TNIK: variants seen among roughly 807,000 people sequenced by gnomAD.
TNIK encodes the protein TRAF2 and NCK interacting kinase.
A neutral mutation model predicts 191.3 loss-of-function variants in TNIK; 49 were observed. The ratio of observed to expected loss-of-function variants is 0.26; its 90% CI spans 0.20 to 0.32. The LOEUF (loss-of-function observed/expected upper bound fraction) is 0.32, where lower values mean the gene tolerates loss of function less well. TNIK is among the 10% of genes least tolerant of loss of function. The pLI is 1.00. For missense variants in TNIK, 1,155 were observed against 1,702.3 expected, an observed-to-expected ratio of 0.68 and a Z score of 5.66; for synonymous variants, 594 against 600.9, an observed-to-expected ratio of 0.99 and a Z score of 0.17.
intron 2 of TNIK, among the ~76,000 whole-genome samples, chr3:171,231,239 A>G (rs999659648): frequency 6.6e-6 from 1 of 151,922 alleles, no homozygotes; most frequent in Non-Finnish European, 1.5e-5. Context: ...TAAATAAGAT[A>G]TCAGCTCTTT....
intron 2 of TNIK, among the ~76,000 whole-genome samples, chr3:171,253,389 C>A (rs1361536110): frequency 6.6e-6 from 1 of 152,006 alleles, no homozygotes; most frequent in Non-Finnish European, 1.5e-5. Context: ...TGATTTCAGG[C>A]ACCCCTCACT....
intron 28 of TNIK, among the ~76,000 whole-genome samples, chr3:171,077,088 T>A (rs1310925448): frequency 7.1e-6 from 1 of 140,894 alleles, no homozygotes; most frequent in Non-Finnish European, 1.6e-5. Flanking sequence ...CCCCTTTTTT[T>A]TTATACTTGT....
chr3:171,279,476 T>C (rs1215092880), intron 2 of TNIK, among the ~76,000 whole-genome samples: 1 of 152,180 alleles, frequency 6.6e-6, no homozygotes, highest in Non-Finnish European at 1.5e-5. Context: ...TCCTAACTGA[T>C]CTTCCAAGAA....
chr3:171,382,452 C>T (rs1333830648), intron 1 of TNIK, among the ~76,000 whole-genome samples: 4 of 152,146 alleles, frequency 2.6e-5, no homozygotes, highest in Non-Finnish European at 5.9e-5. Flanking sequence ...AACTCCTGAC[C>T]TCAGGTAATC....
intron 2 of TNIK, among the ~76,000 whole-genome samples, chr3:171,367,903 T>A (rs1362220481): frequency 6.6e-6 from 1 of 152,194 alleles, no homozygotes; most frequent in Non-Finnish European, 1.5e-5. Flanking sequence ...CCATGACCAT[T>A]CTTTGCAGAA....
chr3:171,402,685 A>G (rs1454781422), intron 1 of TNIK, among the ~76,000 whole-genome samples: 2 of 152,258 alleles, frequency 1.3e-5, no homozygotes, highest in Non-Finnish European at 2.9e-5. Context: ...AACTTCTGGT[A>G]GAAGAGACAT....
intron 1 of TNIK, among the ~76,000 whole-genome samples, chr3:171,451,921 C>T (rs530532313): frequency 1.3e-5 from 2 of 152,306 alleles, no homozygotes; most frequent in South Asian, 4.1e-4. Flanking sequence ...TGAATTTACC[C>T]TGCACCCAAA....
In TNIK at chr3:171,414,613, C is replaced by T. The variant is rs998189171; in HGVS notation, c.58-44928G>A. Among the ~76,000 whole-genome samples the T allele has an allele frequency of 6.6e-5, 10 of 152,200 alleles. No individual in the cohort carries two copies. The East Asian group carries it at 1.5e-3, about 23-fold the overall frequency. On this transcript the variant is annotated intron_variant, in intron 1 of 32. Transcript: ENST00000436636. ...GCTCAGGCTGGAGAAGGTTCAAGAG[C>T]TTTCCCACAGGCCAGTTCATTGATT...
At chr3:171,113,935 C>CCAAA (rs1267254624) in intron 18 of TNIK, among the ~76,000 whole-genome samples, 1 of 149,846 alleles carries the variant, frequency 6.7e-6, no homozygotes, top group East Asian at 2.0e-4. Context: ...GGAGCTGTAC[C>CCAAA]CAAACAGGAG....
intron 24 of TNIK, among the ~76,000 whole-genome samples, chr3:171,086,737 G>C (rs1560089970): frequency 6.6e-6 from 1 of 152,158 alleles, no homozygotes; most frequent in Non-Finnish European, 1.5e-5. Flanking sequence ...CATCCAACTG[G>C]TGTCAGTCAT....
intron 26 of TNIK, among the ~76,000 whole-genome samples, chr3:171,082,934 A>G (rs902443613): frequency 6.6e-6 from 1 of 152,308 alleles, no homozygotes; most frequent in Non-Finnish European, 1.5e-5. Flanking sequence ...TTTTTAGGGA[A>G]ATGATAAACC....
chr3:171,221,376 C>T (rs534470052), intron 3 of TNIK, among the ~76,000 whole-genome samples: 11 of 152,250 alleles, frequency 7.2e-5, no homozygotes, highest in African/African-American at 2.6e-4. Context: ...TGGAGGTGCA[C>T]CTCCCCTACC....
At chr3:171,253,595 C>T (rs1334192368) in intron 2 of TNIK, among the ~76,000 whole-genome samples, 1 of 136,568 alleles carries the variant, frequency 7.3e-6, no homozygotes, top group African/African-American at 2.6e-5. Flanking sequence ...CAGGTCCCCC[C>T]CCCACCCCAC....
intron 18 of TNIK, among the ~76,000 whole-genome samples, chr3:171,120,607 C>A: frequency 6.6e-6 from 1 of 152,098 alleles, no homozygotes; most frequent in Non-Finnish European, 1.5e-5. Flanking sequence ...GTGTGAGCCA[C>A]CGCGCCCGGC....
chr3:171,101,132 G>A (rs549690955), intron 22 of TNIK, among the ~76,000 whole-genome samples: 16 of 152,180 alleles, frequency 1.1e-4, no homozygotes, highest in African/African-American at 3.1e-4. Context: ...GGGAAGGCAC[G>A]TATCAATGGT....
At chr3:171,373,337 C>T (rs1716783082) in intron 1 of TNIK, among the ~76,000 whole-genome samples, 2 of 152,060 alleles carry the variant, frequency 1.3e-5, no homozygotes, top group African/African-American at 4.8e-5. Context: ...TAGTCTCTCT[C>T]ACAGATTCTA....
chr3:171,285,523 G>A (rs1049406654), intron 2 of TNIK, among the ~76,000 whole-genome samples: 1 of 152,196 alleles, frequency 6.6e-6, no homozygotes, highest in African/African-American at 2.4e-5. Context: ...TTGACACTCA[G>A]GACTGTTTTC....
intron 18 of TNIK, among the ~76,000 whole-genome samples, chr3:171,120,164 C>T (rs1727438073): frequency 6.6e-6 from 1 of 152,138 alleles, no homozygotes; most frequent in Non-Finnish European, 1.5e-5. Flanking sequence ...CTGATTTAAA[C>T]ATATGTGTCC....
chr3:171,178,252 AC>A (rs1191214511), intron 7 of TNIK, among the ~76,000 whole-genome samples: 1 of 152,196 alleles, frequency 6.6e-6, no homozygotes, highest in Admixed American at 6.5e-5. Context: ...AATTGGTTTA[AC>A]TAGAAAAACA....
Sources: allele counts gnomAD v4.1 joint callset (sites outside exome capture counted in the v4.1 genomes callset), GRCh38; gene constraint gnomAD v4.1.1; transcripts MANE v1.5; gene names NCBI Gene and HGNC (gene_info 2026-07-23, HGNC 2026-07-21).